PLS1: variants seen among roughly 807,000 people sequenced by gnomAD.
PLS1 encodes plastin-1.
A neutral mutation model predicts 73.7 loss-of-function variants in PLS1; 32 were observed. The ratio of observed to expected loss-of-function variants is 0.43; its 90% CI spans 0.33 to 0.58. The LOEUF (loss-of-function observed/expected upper bound fraction) is 0.58. PLS1 is among the 20% of genes least tolerant of loss of function. The probability of loss-of-function intolerance (pLI) is 0.04; values close to 1 mark genes in which losing one functional copy is unlikely to be tolerated. For missense variants in PLS1, 633 were observed against 740.5 expected, an observed-to-expected ratio of 0.85 and a Z score of 1.68; for synonymous variants, 217 against 261.3, an observed-to-expected ratio of 0.83 and a Z score of 1.63.
chr3:142,614,800 C>G lies in PLS1; in HGVS notation c.-37+18291C>G, dbSNP rs771780070. 7.2e-5 allele frequency among the ~76,000 whole-genome samples: 11 copies of G among 152,078 alleles called. No individual in the cohort carries two copies. The South Asian group carries it at 8.3e-4, about 11-fold the overall frequency. ...GGGCTCCATCTGCTGCTTTCTTTTT[C>G]TGTTTTATGGAGGAGGGTGTGTTTT... is the stretch of plus-strand genomic sequence containing the variant. On this transcript the variant is annotated intron_variant, in intron 1 of 15. Coordinates refer to ENST00000457734, the MANE Select transcript of PLS1 (RefSeq NM_001145319.2).
At chr3:142,598,335 G>T (rs997873857) in intron 1 of PLS1, among the ~76,000 whole-genome samples, 6 of 152,172 alleles carry the variant, frequency 3.9e-5, no homozygotes, top group Admixed American at 1.3e-4. Context: ...GGGAGGGAGT[G>T]GGGGAAGGAA....
At chr3:142,642,220 T>C (rs1464088439) in intron 1 of PLS1, among the ~76,000 whole-genome samples, 7 of 152,196 alleles carry the variant, frequency 4.6e-5, no homozygotes, top group Non-Finnish European at 1.0e-4. Flanking sequence ...ATCTCCTTTT[T>C]GGAAACCTGA....
At chr3:142,628,102 G>C (rs1215273850) in intron 1 of PLS1, among the ~76,000 whole-genome samples, 1 of 152,198 alleles carries the variant, frequency 6.6e-6, no homozygotes, top group Non-Finnish European at 1.5e-5. Context: ...CATGTAGAAA[G>C]ATGATACCTT....
chr3:142,641,818 C>T (rs1044694886), intron 1 of PLS1, among the ~76,000 whole-genome samples: 1 of 152,034 alleles, frequency 6.6e-6, no homozygotes, highest in Non-Finnish European at 1.5e-5. Context: ...ACACCTAGGG[C>T]AGCTTTGGGG....
In PLS1 at chr3:142,713,180, A is replaced by G. The variant is rs1247409513; in HGVS notation, c.*1173A>G. Reference sequence around the variant, plus strand: ...CTTGGAAATCGCTACAGCTTGGACTATTTTTTTCTAAATTTTTAGCATTAG... The same window carrying G: ...CTTGGAAATCGCTACAGCTTGGACTGTTTTTTTCTAAATTTTTAGCATTAG... On this transcript the variant is annotated 3_prime_UTR_variant, in exon 16 of 16. Transcript: ENST00000457734. 6.6e-6 allele frequency: 1 copy of G among 152,512 alleles called. No homozygotes were observed. The highest frequency in any genetic ancestry group is 1.9e-4 in the East Asian group (1 of 5,198). The allele number at this position is 152,512 out of a possible 1,614,324, so 9.4% of individuals were successfully genotyped here. A position where few individuals can be genotyped will look rare whatever the true frequency, so the allele number is the denominator to read the frequency against.
intron 10 of PLS1, among the ~76,000 whole-genome samples, chr3:142,692,989 C>T (rs1335888901): frequency 1.3e-5 from 2 of 152,048 alleles, no homozygotes; most frequent in Non-Finnish European, 2.9e-5. Context: ...ATAATTCCTA[C>T]AAATAAGGCT....
chr3:142,711,584 G>A lies in PLS1; in HGVS notation c.1713G>A (p.Arg571=). ...APNAVRQEMI[R]RENLSDEDKL... is the part of the protein sequence containing the mutation. The stretch of plus-strand genomic sequence containing the variant: ...ATGCAGTTCGTCAAGAAATGATCAG[G>A]AGAGAAAACTTATCTGATGAGGACA... Residue 571 remains arginine, a synonymous_variant, in exon 15 of 16, where the codon AGG becomes AGA. Coordinates refer to ENST00000457734, the MANE Select transcript of PLS1 (RefSeq NM_001145319.2). 2 of 1,608,310 alleles carry A rather than the reference G, an allele frequency of 1.2e-6. No individual in the cohort carries two copies. Among genetic ancestry groups the A allele is most frequent in the Non-Finnish European group, 1.7e-6 (2 of 1,175,692 alleles).
intron 1 of PLS1, among the ~76,000 whole-genome samples, chr3:142,625,241 C>A (rs1193914886): frequency 7.3e-6 from 1 of 137,384 alleles, no homozygotes; most frequent in Non-Finnish European, 1.5e-5. Flanking sequence ...GAGTGCCTGA[C>A]TGCCTATTTT....
intron 1 of PLS1, chr3:142,627,753 G>A (rs1458693611): frequency 6.6e-6 from 1 of 151,906 alleles, no homozygotes; most frequent in Non-Finnish European, 1.5e-5. Context: ...GAGGAGCTGG[G>A]AACACAGGCA....
At chr3:142,682,136 AG>A (rs1220562291) in intron 6 of PLS1, among the ~76,000 whole-genome samples, 2 of 152,120 alleles carry the variant, frequency 1.3e-5, no homozygotes, top group Non-Finnish European at 2.9e-5. Context: ...TCAATATGAG[AG>A]GGGGCAAGAG....
At position 142,675,590 on chromosome 3, in the gene PLS1, T is replaced by C. The variant is rs558916636; in HGVS notation, c.365-567T>C. On this transcript the variant is annotated intron_variant, in intron 4 of 15. Coordinates refer to ENST00000457734, the MANE Select transcript of PLS1 (RefSeq NM_001145319.2). ...TTAGTAGAGATGAGGTTTTAACATG[T>C]TGGCCAGGATGGTCTTGCTCTCTTG... is the stretch of plus-strand genomic sequence containing the variant. 2.0e-5 allele frequency among the ~76,000 whole-genome samples: 3 copies of C among 152,286 alleles called. 1 individual carries two copies. In the South Asian group the frequency reaches 6.2e-4, roughly 32 times the overall value.
At chr3:142,675,922 C>T (rs1401156646) in intron 4 of PLS1, among the ~76,000 whole-genome samples, 2 of 152,030 alleles carry the variant, frequency 1.3e-5, no homozygotes, top group East Asian at 1.9e-4. Context: ...GTGATCAGCC[C>T]GCCTTGGAAG....
intron 12 of PLS1, among the ~76,000 whole-genome samples, chr3:142,702,537 CCTTTT>C (rs1164376934): frequency 1.3e-5 from 2 of 152,072 alleles, no homozygotes; most frequent in African/African-American, 2.4e-5. Flanking sequence ...GTAGTGTTCT[CCTTTT>C]AAGTGTTTAT....
intron 1 of PLS1, among the ~76,000 whole-genome samples, chr3:142,656,084 C>A (rs2037230260): frequency 6.6e-6 from 1 of 152,132 alleles, no homozygotes; most frequent in Non-Finnish European, 1.5e-5. Flanking sequence ...GCCTCAACCC[C>A]CCAAGTAGCT....
chr3:142,611,887 T>G (rs1179969809), intron 1 of PLS1, among the ~76,000 whole-genome samples: 5 of 152,202 alleles, frequency 3.3e-5, no homozygotes, highest in Admixed American at 6.5e-5. Flanking sequence ...GTTGGTATTA[T>G]TATCTTCTTA....
At chr3:142,641,469 A>G (rs970105990) in intron 1 of PLS1, among the ~76,000 whole-genome samples, 114 of 151,520 alleles carry the variant, frequency 7.5e-4, no homozygotes, top group African/African-American at 2.2e-3. Flanking sequence ...TTTAAAAGAT[A>G]TGTAATTTTC....
intron 12 of PLS1, among the ~76,000 whole-genome samples, chr3:142,700,752 G>T (rs1268895328): frequency 6.6e-6 from 1 of 152,152 alleles, no homozygotes; most frequent in East Asian, 1.9e-4. Context: ...GATATGGTTT[G>T]GCTGTGTCCC....
chr3:142,711,346 G>T (rs943999376), intron 14 of PLS1, among the ~76,000 whole-genome samples, 155 bp from the exon 15 acceptor site: 1 of 152,130 alleles, frequency 6.6e-6, no homozygotes, highest in African/African-American at 2.4e-5. Context: ...ATTTTAAAGG[G>T]TTTATTTATG....
intron 1 of PLS1, among the ~76,000 whole-genome samples, chr3:142,632,203 C>A (rs561952457): frequency 6.6e-6 from 1 of 152,228 alleles, no homozygotes; most frequent in South Asian, 2.1e-4. Flanking sequence ...TATACACATT[C>A]AGTACACTCC....
Sources: allele counts gnomAD v4.1 joint callset (sites outside exome capture counted in the v4.1 genomes callset), GRCh38; gene constraint gnomAD v4.1.1; transcripts MANE v1.5; gene names NCBI Gene and HGNC (gene_info 2026-07-23, HGNC 2026-07-21).